UPK1B: variants seen among roughly 807,000 people sequenced by gnomAD.
UPK1B encodes the protein uroplakin-1b.
In UPK1B, 28 loss-of-function variants were observed where a neutral mutation model predicts 34.2. That is an observed-to-expected ratio of 0.82 (90% CI 0.61 to 1.12). The LOEUF (loss-of-function observed/expected upper bound fraction) is 1.12, where lower values mean the gene tolerates loss of function less well. Ranked by LOEUF, UPK1B falls within the 50% of genes most tolerant of loss-of-function variation. The pLI is 0.00. For synonymous variants in UPK1B, 81 were observed against 110.4 expected (o/e 0.73, Z 1.67); for missense variants, 325 against 320.9 (o/e 1.01, Z -0.10).
intron 1 of UPK1B, among the ~76,000 whole-genome samples, chr3:119,183,289 G>A (rs1389724543): frequency 1.4e-5 from 2 of 142,846 alleles, no homozygotes; most frequent in Non-Finnish European, 1.5e-5. Context: ...TTTTTTTGGA[G>A]ATGGAGTTTT....
Position 119,204,049 on chromosome 3 carries a change from G to T in UPK1B, c.*82G>T, listed in dbSNP as rs1351222467. 3 of 1,502,606 alleles carry T rather than the reference G, an allele frequency of 2.0e-6. No individual in the cohort carries two copies. Among genetic ancestry groups the T allele is most frequent in the East Asian group, 2.3e-5 (1 of 44,310 alleles). The allele number at this position is 1,502,606 out of a possible 1,614,324, so 93.1% of individuals were successfully genotyped here. ...AACCAGCTCTCTCCTAATATTCCAC[G>T]TTTGTGCCCCACACTAACGTGTGTG... On this transcript the variant is annotated 3_prime_UTR_variant, in exon 8 of 8. Coordinates refer to ENST00000264234, the MANE Select transcript of UPK1B (RefSeq NM_006952.4).
intron 6 of UPK1B, among the ~76,000 whole-genome samples, chr3:119,197,910 C>T (rs866213123): frequency 4.6e-5 from 7 of 152,124 alleles, no homozygotes; most frequent in African/African-American, 1.2e-4. Context: ...AATGAGACAC[C>T]GGAAGATTGG....
intron 1 of UPK1B, among the ~76,000 whole-genome samples, chr3:119,174,964 A>T (rs1261437737): frequency 6.9e-6 from 1 of 145,556 alleles, no homozygotes; most frequent in Non-Finnish European, 1.5e-5. Context: ...ACATCATTTA[A>T]TCAAGGGGAA....
chr3:119,179,578 T>C (rs1172717733), intron 1 of UPK1B, among the ~76,000 whole-genome samples: 4 of 134,542 alleles, frequency 3.0e-5, no homozygotes, highest in East Asian at 2.5e-4. Flanking sequence ...GGCCTGATCT[T>C]GGCTCACTGC....
intron 3 of UPK1B, among the ~76,000 whole-genome samples, chr3:119,189,370 C>T (rs981120818): frequency 6.6e-6 from 1 of 152,316 alleles, no homozygotes; most frequent in East Asian, 1.9e-4. Context: ...CCCTGCCTAC[C>T]CTGCTGACAC....
chr3:119,188,117 A>C, intron 3 of UPK1B, 142 bp downstream of exon 3: 3 of 886,326 alleles, frequency 3.4e-6, no homozygotes, highest in Non-Finnish European at 3.5e-6. Context: ...CTTTCCCTGC[A>C]GTGAAATGGT....
rs369457182 is a variant in UPK1B at position 119,199,440 on chromosome 3, TGCTCCTC to T, written c.732+301_732+307del. Among the ~76,000 whole-genome samples, 504 of 152,358 alleles carry T rather than the reference TGCTCCTC, an allele frequency of 3.3e-3. 1 individual carries two copies. Among genetic ancestry groups the T allele is most frequent in the African/African-American group, 0.011 (461 of 41,588 alleles). ...TCCCTTGCCAGAGTTCTTAGTGAAC[TGCTCCTC>T]CTGGTCTCCAGATCTCATTAATTCA... On this transcript the variant is annotated intron_variant, in intron 7 of 7. Transcript: ENST00000264234.
At chr3:119,194,579 G>A (rs1443775279) in intron 6 of UPK1B, among the ~76,000 whole-genome samples, 181 bp downstream of exon 6, 1 of 152,074 alleles carries the variant, frequency 6.6e-6, no homozygotes, top group Non-Finnish European at 1.5e-5. Context: ...GACTGATAGG[G>A]GCAAATTTAC....
chr3:119,190,131 A>T, intron 3 of UPK1B, 114 bp from the exon 4 acceptor site: 1 of 798,500 alleles, frequency 1.3e-6, no homozygotes, highest in Non-Finnish European at 2.0e-6. Flanking sequence ...TTGAATAACT[A>T]CATGAGTGAT....
At chr3:119,186,645 C>T (rs2078020533) in intron 1 of UPK1B, 69 bp from the exon 2 acceptor site, 4 of 1,170,254 alleles carry the variant, frequency 3.4e-6, no homozygotes, top group Non-Finnish European at 5.0e-6. Context: ...AACAAGGAGG[C>T]AATACGCAAT....
chr3:119,186,556 G>A lies in UPK1B; in HGVS notation c.-28-158G>A, dbSNP rs545465142. Reference sequence around the variant, plus strand: ...TATATTCTTTTCATTCTTTATAAAAGTTATGTGATTACCAAGCTCAATAAT... The same window carrying A: ...TATATTCTTTTCATTCTTTATAAAAATTATGTGATTACCAAGCTCAATAAT... On this transcript the variant is annotated intron_variant, in intron 1 of 7. Transcript: ENST00000264234. 1.5e-4 allele frequency: 88 copies of A among 604,650 alleles called. 1 individual carries two copies. In the African/African-American group the frequency reaches 1.5e-3, roughly 10 times the overall value. 37.5% of individuals were successfully genotyped at this position (604,650 alleles called of 1,614,324 possible). A position where few individuals can be genotyped will look rare whatever the true frequency, so the allele number is the denominator to read the frequency against.
intron 7 of UPK1B, among the ~76,000 whole-genome samples, chr3:119,203,326 G>A (rs2078100975): frequency 9.7e-6 from 1 of 103,080 alleles, no homozygotes. Flanking sequence ...GGGCGACAGA[G>A]CGAAACTCCG....
rs770556056 is a variant in UPK1B at position 119,191,051 on chromosome 3, G to A, written c.415G>A (p.Asp139Asn). Residue 139 changes from aspartate (D) to asparagine (N), a missense_variant, in exon 5 of 8, where the codon GAC becomes AAC. Transcript: ENST00000264234. ...YQNNSPPNND[D>N]QWKNNGVTKT... is the part of the protein sequence containing the mutation. ...AAACAACAGCCCTCCAAACAATGATGACCAGTGGAAAAACAATGGAGTCAC... is the reference window on the plus strand; with the variant it reads ...AAACAACAGCCCTCCAAACAATGATAACCAGTGGAAAAACAATGGAGTCAC... 4 of 1,613,998 alleles carry A rather than the reference G, an allele frequency of 2.5e-6. No homozygotes were observed. In the South Asian group the frequency reaches 3.3e-5, roughly 13 times the overall value.
chr3:119,177,449 T>G (rs573649421), intron 1 of UPK1B, among the ~76,000 whole-genome samples: 6 of 152,368 alleles, frequency 3.9e-5, no homozygotes, highest in African/African-American at 1.4e-4. Context: ...ATCATGATCG[T>G]GAACAAGTCA....
intron 1 of UPK1B, among the ~76,000 whole-genome samples, chr3:119,177,067 G>C (rs1236327740): frequency 1.3e-5 from 2 of 152,178 alleles, no homozygotes; most frequent in African/African-American, 4.8e-5. Context: ...GCATTGACAT[G>C]GATGGCTCAT....
chr3:119,194,536 T>G (rs1259804063), intron 6 of UPK1B, 138 bp downstream of exon 6: 1 of 853,320 alleles, frequency 1.2e-6, no homozygotes, highest in Non-Finnish European at 1.7e-6. Flanking sequence ...AACTATTTCC[T>G]TCTCTGTTAA....
chr3:119,194,014 G>A (rs893432848), intron 5 of UPK1B, among the ~76,000 whole-genome samples: 3 of 152,184 alleles, frequency 2.0e-5, no homozygotes, highest in African/African-American at 4.8e-5. Flanking sequence ...GACTAGTAAA[G>A]TAGGAAGTGT....
chr3:119,182,731 C>A (rs1205148208), intron 1 of UPK1B, among the ~76,000 whole-genome samples: 1 of 152,184 alleles, frequency 6.6e-6, no homozygotes, highest in Non-Finnish European at 1.5e-5. Context: ...ACATCTGTGG[C>A]CATTTGGGGG....
At chr3:119,200,899 T>C (rs919405754) in intron 7 of UPK1B, among the ~76,000 whole-genome samples, 2 of 152,260 alleles carry the variant, frequency 1.3e-5, no homozygotes, top group African/African-American at 2.4e-5. Context: ...TATTACACTA[T>C]GCAACAGACT....
Sources: allele counts gnomAD v4.1 joint callset (sites outside exome capture counted in the v4.1 genomes callset), GRCh38; gene constraint gnomAD v4.1.1; transcripts MANE v1.5; gene names NCBI Gene and HGNC (gene_info 2026-07-23, HGNC 2026-07-21).